Variants in SDK1 observed in about 807,000 individuals in gnomAD.
SDK1 encodes the protein sidekick cell adhesion molecule 1, also known as protein sidekick-1.
In SDK1, 157 loss-of-function variants were observed where a neutral mutation model predicts 245.5. The observed-to-expected ratio is 0.64, with a 90% CI of 0.56 to 0.73. The LOEUF (loss-of-function observed/expected upper bound fraction) is 0.73. SDK1 is among the 30% of genes least tolerant of loss of function. The pLI is 0.00. For synonymous variants in SDK1, 1,647 were observed against 1,278.5 expected, an observed-to-expected ratio of 1.29 and a Z score of -6.15; for missense variants, 3,583 against 3,002.3, an observed-to-expected ratio of 1.19 and a Z score of -4.52.
At chr7:3,542,638 T>C (rs1258197749) in intron 1 of SDK1, among the ~76,000 whole-genome samples, 1 of 152,232 alleles carries the variant, frequency 6.6e-6, no homozygotes, top group Admixed American at 6.5e-5. Flanking sequence ...TGTTTTAAAA[T>C]GTTAAAAATA....
intron 13 of SDK1, among the ~76,000 whole-genome samples, chr7:3,981,313 C>G (rs1783384317): frequency 6.6e-6 from 1 of 152,200 alleles, no homozygotes; most frequent in Non-Finnish European, 1.5e-5. Flanking sequence ...ACTGCTCCAC[C>G]AACAGGCCAT....
rs1454289272 is a variant in SDK1 at position 3,619,141 on chromosome 7, C to T, written c.360C>T (p.Asn120=). 1.2e-6 allele frequency: 2 copies of T among 1,613,530 alleles called. No homozygotes were observed. Among genetic ancestry groups the T allele is most frequent in the South Asian group, 2.2e-5 (2 of 91,036 alleles). The part of the protein sequence containing the change: ...PGLPQIHLEG[N]RLVLTCLAEG... Reference sequence around the variant, plus strand: ...TACCACAGATCCACCTGGAAGGGAACCGCCTTGTTCTCACCTGCCTTGCCG... The same window carrying T: ...TACCACAGATCCACCTGGAAGGGAATCGCCTTGTTCTCACCTGCCTTGCCG... The change falls in exon 2 of 45, where the codon AAC becomes AAT. Residue 120 remains asparagine (N), a synonymous_variant. Transcript: ENST00000404826.
rs543457741 is a variant in SDK1, at chr7:3,809,370, A to G, written c.714-12080A>G. On this transcript the variant is annotated intron_variant, in intron 4 of 44. Transcript: ENST00000404826. ...ACCAGGCCCCACCTCCCATACTAGG[A>G]ATTACAGTTCAACATGAGATTTGGA... Among the ~76,000 whole-genome samples, 9 of 152,250 alleles carry G rather than the reference A, an allele frequency of 5.9e-5. No homozygotes were observed. The South Asian group carries it at 1.9e-3, about 32-fold the overall frequency.
intron 1 of SDK1, among the ~76,000 whole-genome samples, chr7:3,418,145 G>GAAAAAAAAAAAA (rs200914826): frequency 4.2e-5 from 5 of 119,728 alleles, no homozygotes; most frequent in African/African-American, 1.9e-4. Flanking sequence ...TACTAAAAAT[G>GAAAAAAAAAAAA]AAAAAAAAAA....
chr7:3,672,759 T>TATACATATATATATATA (rs1554307103), intron 4 of SDK1, among the ~76,000 whole-genome samples: 1 of 50,744 alleles, frequency 2.0e-5, no homozygotes, highest in Non-Finnish European at 3.5e-5. Flanking sequence ...ATATATAATT[T>TATACATATATATATATA]TATATATATA....
chr7:3,691,475 C>T (rs1423043792), intron 4 of SDK1, among the ~76,000 whole-genome samples: 1 of 152,110 alleles, frequency 6.6e-6, no homozygotes, highest in East Asian at 1.9e-4. Flanking sequence ...GGACTTGGAG[C>T]ATGTTATAAA....
intron 1 of SDK1, among the ~76,000 whole-genome samples, chr7:3,533,914 C>T (rs565516306): frequency 4.0e-5 from 6 of 149,920 alleles, no homozygotes; most frequent in Admixed American, 6.6e-5. Context: ...TTGTAAAAAC[C>T]CTTAACATGA....
rs184315153 is a variant in SDK1, at chr7:3,396,059, A to G, written c.298+94175A>G. On this transcript the variant is annotated intron_variant, in intron 1 of 44. Transcript: ENST00000404826. ...GGTGAATTCTTAGATTATTGATTTGAGATTTTTTTCTTTAATATAGGAATG... is the reference window on the plus strand; with the variant it reads ...GGTGAATTCTTAGATTATTGATTTGGGATTTTTTTCTTTAATATAGGAATG... Among the ~76,000 whole-genome samples the G allele has an allele frequency of 1.9e-3, 290 of 151,648 alleles. 1 individual carries two copies. In the Middle Eastern group the frequency reaches 0.02, roughly 11 times the overall value.
chr7:3,301,967 G>A (rs1779277643), intron 1 of SDK1, 83 bp downstream of exon 1: 3 of 1,004,182 alleles, frequency 3.0e-6, no homozygotes, highest in African/African-American at 1.7e-5. Flanking sequence ...TGTGTCCGGG[G>A]TCCCCCCGCT....
intron 1 of SDK1, among the ~76,000 whole-genome samples, chr7:3,435,926 C>G (rs540516865): frequency 3.3e-5 from 5 of 152,312 alleles, no homozygotes; most frequent in South Asian, 2.1e-4. Flanking sequence ...AAAGGTTCTT[C>G]TATTGGATGT....
chr7:3,313,242 A>ATTTTGTAAAAATTTTGTATTTTGTATTTT (rs1779591178), intron 1 of SDK1, among the ~76,000 whole-genome samples: 1 of 152,212 alleles, frequency 6.6e-6, no homozygotes, highest in Admixed American at 6.5e-5. Flanking sequence ...TGCCATCTTT[A>ATTTTGTAAAAATTTTGTATTTTGTATTTT]CTAAAAATAC....
At chr7:3,495,521 A>C (rs1227613397) in intron 1 of SDK1, among the ~76,000 whole-genome samples, 2 of 152,090 alleles carry the variant, frequency 1.3e-5, no homozygotes, top group Non-Finnish European at 2.9e-5. Flanking sequence ...AGCCTCCCAA[A>C]GTGCTGGGAT....
intron 14 of SDK1, among the ~76,000 whole-genome samples, chr7:3,991,064 C>T (rs1784271181): frequency 6.6e-6 from 1 of 152,232 alleles, no homozygotes; most frequent in Non-Finnish European, 1.5e-5. Context: ...CAGTCAGAGG[C>T]ATCGATGCAG....
At chr7:4,080,293 C>A (rs1390711291) in intron 22 of SDK1, among the ~76,000 whole-genome samples, 1 of 152,004 alleles carries the variant, frequency 6.6e-6, no homozygotes, top group Non-Finnish European at 1.5e-5. Context: ...ACGCAGGGGT[C>A]CGGGACAGTG....
At chr7:4,177,970 A>G (rs903549408) in intron 34 of SDK1, among the ~76,000 whole-genome samples, 1 of 151,166 alleles carries the variant, frequency 6.6e-6, no homozygotes, top group African/African-American at 2.4e-5. Flanking sequence ...TGTGCAAGGC[A>G]TAAGGAGCAC....
intron 44 of SDK1, among the ~76,000 whole-genome samples, chr7:4,258,866 G>A (rs1489737862): frequency 1.3e-5 from 2 of 152,198 alleles, no homozygotes; most frequent in Non-Finnish European, 2.9e-5. Context: ...GTGAAACCTA[G>A]CACTAAATTT....
At position 3,338,631 on chromosome 7, in the gene SDK1, CAAA is replaced by C. The variant is rs5881978; in HGVS notation, c.298+36754_298+36756del. On this transcript the variant is annotated intron_variant, in intron 1 of 44. Transcript: ENST00000404826. ...TGTTAAAAACAAACAAACAAACAAA[CAAA>C]AAAAAACACCAAAACAAGAAAATAC... 1,084 of 185,656 alleles carry C rather than the reference CAAA, an allele frequency of 5.8e-3. 36 individuals carry two copies. Among genetic ancestry groups the C allele is most frequent in the Non-Finnish European group, 1.9e-3 (174 of 91,766 alleles). The allele number at this position is 185,656 out of a possible 1,614,324, so 11.5% of individuals were successfully genotyped here. A position where few individuals can be genotyped will look rare whatever the true frequency, so the allele number is the denominator to read the frequency against.
At chr7:3,692,738 CTT>C (rs1416872935) in intron 4 of SDK1, among the ~76,000 whole-genome samples, 2 of 151,890 alleles carry the variant, frequency 1.3e-5, no homozygotes, top group South Asian at 2.1e-4. Flanking sequence ...TATTTATACT[CTT>C]TGATCTATTC....
chr7:4,200,802 A>G (rs1489237197), intron 35 of SDK1, among the ~76,000 whole-genome samples: 1 of 152,236 alleles, frequency 6.6e-6, no homozygotes, highest in Non-Finnish European at 1.5e-5. Flanking sequence ...AGGGAAGGAG[A>G]TTCTCAGGGC....
Sources: gnomAD v4.1 joint callset for allele counts (sites outside exome capture counted in the v4.1 genomes callset) on GRCh38, gnomAD v4.1.1 for gene constraint, MANE v1.5 for transcripts, NCBI Gene and HGNC (gene_info 2026-07-23, HGNC 2026-07-21) for gene names.